Variants in DIPK1C observed in about 807,000 individuals in gnomAD.
DIPK1C encodes divergent protein kinase domain 1C.
In DIPK1C, 33 loss-of-function variants were observed where a neutral mutation model predicts 28.0. The observed-to-expected ratio is 1.18, with a 90% CI of 0.89 to 1.58. The LOEUF (loss-of-function observed/expected upper bound fraction) is 1.58. DIPK1C is among the 40% of genes most tolerant of loss of function. The probability of loss-of-function intolerance (pLI) is 0.00; values close to 1 mark genes in which losing one functional copy is unlikely to be tolerated. For synonymous variants in DIPK1C, 255 were observed against 248.8 expected, an observed-to-expected ratio of 1.02 and a Z score of -0.23; for missense variants, 569 against 568.5, an observed-to-expected ratio of 1.00 and a Z score of -0.01.
upstream of DIPK1C, among the ~76,000 whole-genome samples, chr18:74,460,536 A>C (rs1244397946): frequency 1.3e-5 from 2 of 152,178 alleles, no homozygotes; most frequent in African/African-American, 4.8e-5. Flanking sequence ...TCAGATAAGC[A>C]CATATTATTT....
chr18:74,441,992 A>G lies in DIPK1C; in HGVS notation c.1001T>C (p.Val334Ala), dbSNP rs1410947050. Residue 334 changes from valine to alanine, a missense_variant, in exon 3 of 4, where the codon GTC becomes GCC. By Grantham distance (64) the Val-to-Ala change is moderately conservative. Transcript: ENST00000343998. ...FDCFSRCDLR[V>A]NKCGAQRVNN... ...TACGCGCTGCGCTCCGCATTTGTTG[A>G]CTCGTAAATCACATCTTGAAAAACA... 5.0e-6 allele frequency: 8 copies of G among 1,613,808 alleles called. No individual in the cohort carries two copies. The highest frequency in any genetic ancestry group is 6.8e-6 in the Non-Finnish European group (8 of 1,179,950).
chr18:74,443,853 C>T (rs565462938), intron 2 of DIPK1C, among the ~76,000 whole-genome samples: 1 of 152,086 alleles, frequency 6.6e-6, no homozygotes, highest in South Asian at 2.1e-4. Flanking sequence ...TGGTTTCTGC[C>T]GATCTCCCCA....
upstream of DIPK1C, among the ~76,000 whole-genome samples, chr18:74,461,124 T>C (rs559157864): frequency 3.2e-4 from 48 of 152,196 alleles, no homozygotes; most frequent in South Asian, 9.8e-3. Context: ...GGAACTGGAG[T>C]GGGCCAAGGC....
intron 1 of DIPK1C, among the ~76,000 whole-genome samples, chr18:74,454,655 GA>G (rs1422582358): frequency 2.6e-5 from 4 of 152,216 alleles, no homozygotes. Context: ...GAATGAATTG[GA>G]AAGTGCCAGG....
intron 2 of DIPK1C, among the ~76,000 whole-genome samples, chr18:74,444,853 G>A (rs954817620): frequency 1.3e-5 from 2 of 152,220 alleles, no homozygotes; most frequent in South Asian, 2.1e-4. Flanking sequence ...GCATAGTCAC[G>A]ATTTCATTGA....
At position 74,435,773 on chromosome 18, in the gene DIPK1C, C is replaced by T. The variant is rs1287664920; in HGVS notation, c.*728G>A. The T allele has an allele frequency of 6.6e-6, 1 of 152,242 alleles. No individual in the cohort carries two copies. The highest frequency in any genetic ancestry group is 2.4e-5 in the African/African-American group (1 of 41,436). 9.4% of individuals were successfully genotyped at this position (152,242 alleles called of 1,614,324 possible). A position where few individuals can be genotyped will look rare whatever the true frequency, so the allele number is the denominator to read the frequency against. On this transcript the variant is annotated 3_prime_UTR_variant, in exon 4 of 4. Transcript: ENST00000343998. ...TTGTATTTAATTCCGAAAGAATGGT[C>T]ACACTTCTTTGCTAGGTAGGCAAGA... is the stretch of plus-strand genomic sequence containing the variant.
intron 3 of DIPK1C, among the ~76,000 whole-genome samples, chr18:74,440,897 A>T (rs1471436445): frequency 6.6e-6 from 1 of 152,216 alleles, no homozygotes; most frequent in African/African-American, 2.4e-5. Flanking sequence ...CGCCTCTGAA[A>T]GCCACTACAT....
In DIPK1C at chr18:74,444,483, C is replaced by G. The variant is rs531229768; in HGVS notation, c.876+2123G>C. Among the ~76,000 whole-genome samples, 5 of 152,340 alleles carry G rather than the reference C, an allele frequency of 3.3e-5. No individual in the cohort carries two copies. The South Asian group carries it at 1.0e-3, about 32-fold the overall frequency. On this transcript the variant is annotated intron_variant, in intron 2 of 3. Transcript: ENST00000343998. ...CCGGGACTCTGAGATCACTAGCTCTCAAACTTAAGCACATATGAGAATCGA... is the reference window on the plus strand; with the variant it reads ...CCGGGACTCTGAGATCACTAGCTCTGAAACTTAAGCACATATGAGAATCGA...
In DIPK1C at chr18:74,447,449, G is replaced by A. The variant is rs564681608; in HGVS notation, c.199-166C>T. ...GGATCTCAGAGGCCACTCAGCCAGT[G>A]AGTAATTCAGAGGAAGGTTAAAGGA... is the stretch of plus-strand genomic sequence containing the variant. On this transcript the variant is annotated intron_variant, in intron 1 of 3. Coordinates refer to ENST00000343998, the MANE Select transcript of DIPK1C (RefSeq NM_001044369.3). The surrounding 1 kb of genome is among the most constrained non-coding windows in gnomAD (Gnocchi z 4.1). Among the ~76,000 whole-genome samples the A allele has an allele frequency of 1.6e-4, 25 of 152,332 alleles. No individual in the cohort carries two copies. Among genetic ancestry groups the A allele is most frequent in the African/African-American group, 5.5e-4 (23 of 41,574 alleles).
chr18:74,445,513 A>C (rs1460748369), intron 2 of DIPK1C, among the ~76,000 whole-genome samples: 1 of 152,216 alleles, frequency 6.6e-6, no homozygotes, highest in Admixed American at 6.5e-5. Flanking sequence ...CAGCAAATTT[A>C]GTTTTCCAGC....
At chr18:74,448,294 T>C (rs902823134) in intron 1 of DIPK1C, among the ~76,000 whole-genome samples, 1 of 152,036 alleles carries the variant, frequency 6.6e-6, no homozygotes, top group African/African-American at 2.4e-5. Flanking sequence ...TCTTCCTCCA[T>C]GTCAGCAAAT....
chr18:74,448,058 A>G (rs1986313546), intron 1 of DIPK1C, among the ~76,000 whole-genome samples: 1 of 152,174 alleles, frequency 6.6e-6, no homozygotes, highest in Non-Finnish European at 1.5e-5. Flanking sequence ...AGATGGAGCC[A>G]CTAGGGGACC....
chr18:74,457,365 G>T, upstream of DIPK1C: 2 of 840,670 alleles, frequency 2.4e-6, no homozygotes, highest in Non-Finnish European at 2.9e-6. Context: ...GGGGGAACGG[G>T]GGAGGGGCCG....
Position 74,436,362 on chromosome 18 carries a change from C to T in DIPK1C, c.*139G>A. 1.2e-6 allele frequency: 1 copy of T among 811,324 alleles called. No individual in the cohort carries two copies. The highest frequency in any genetic ancestry group is 1.9e-6 in the Non-Finnish European group (1 of 528,578). The allele number at this position is 811,324 out of a possible 1,614,324, so 50.3% of individuals were successfully genotyped here. ...GAGGGAGCACTGTCTCTGGCAGCAGCACTTGCCACTCCACAATGTGGAGAC... is the reference window on the plus strand; with the variant it reads ...GAGGGAGCACTGTCTCTGGCAGCAGTACTTGCCACTCCACAATGTGGAGAC... On this transcript the variant is annotated 3_prime_UTR_variant, in exon 4 of 4. Transcript: ENST00000343998.
At chr18:74,441,864 G>A (rs1285754589) in intron 3 of DIPK1C, 88 bp downstream of exon 3, 1 of 1,405,216 alleles carries the variant, frequency 7.1e-7, no homozygotes, top group Non-Finnish European at 9.8e-7. Context: ...GGTCGACCTT[G>A]AGCTCCACTG....
chr18:74,455,612 C>G (rs919559910), intron 1 of DIPK1C, among the ~76,000 whole-genome samples: 4 of 150,848 alleles, frequency 2.7e-5, no homozygotes, highest in African/African-American at 7.3e-5. Context: ...CCAACATGGA[C>G]AAACCACCAT....
chr18:74,454,326 A>G (rs1028940616), intron 1 of DIPK1C, among the ~76,000 whole-genome samples: 7 of 152,124 alleles, frequency 4.6e-5, no homozygotes, highest in African/African-American at 1.7e-4. Flanking sequence ...CTTGGGGAGA[A>G]CATGGAGACC....
chr18:74,459,478 C>T (rs1054473871), upstream of DIPK1C, among the ~76,000 whole-genome samples: 1 of 152,206 alleles, frequency 6.6e-6, no homozygotes, highest in African/African-American at 2.4e-5. Flanking sequence ...GTGGAGAGTG[C>T]AGCTTAGGTT....
upstream of DIPK1C, among the ~76,000 whole-genome samples, chr18:74,459,765 A>C (rs1377020356): frequency 6.6e-6 from 1 of 152,182 alleles, no homozygotes; most frequent in Non-Finnish European, 1.5e-5. Context: ...TGTGAGGTGT[A>C]TGTGGGCAGG....
Sources: allele counts gnomAD v4.1 joint callset (sites outside exome capture counted in the v4.1 genomes callset), GRCh38; gene constraint gnomAD v4.1.1; non-coding constraint Gnocchi (gnomAD v3.1); transcripts MANE v1.5; gene names NCBI Gene and HGNC (gene_info 2026-07-23, HGNC 2026-07-21).